CENPP: variants seen among roughly 807,000 people sequenced by gnomAD.
The protein encoded by CENPP is centromere protein P.
Under a neutral mutation model 35.6 loss-of-function variants are expected in CENPP, and 24 were observed. The observed-to-expected ratio is 0.67, with a 90% confidence interval of 0.49 to 0.95. The LOEUF is 0.95. Among genes scored for constraint, CENPP ranks in the 40% least tolerant of loss-of-function variants. The pLI is 0.00. For missense variants in CENPP, 332 were observed against 345.3 expected (o/e 0.96, Z 0.31); for synonymous variants, 120 against 125.5 (o/e 0.96, Z 0.29).
chr9:92,543,286 A>G (rs951457832), intron 5 of CENPP, among the ~76,000 whole-genome samples: 6 of 152,106 alleles, frequency 3.9e-5, no homozygotes, highest in African/African-American at 1.4e-4. Context: ...AGCCTGGCCA[A>G]CATGGTGAAA....
At chr9:92,499,544 A>C (rs1846549087) in intron 5 of CENPP, among the ~76,000 whole-genome samples, 1 of 152,220 alleles carries the variant, frequency 6.6e-6, no homozygotes, top group African/African-American at 2.4e-5. Context: ...TGACCACTTC[A>C]ATCCAGTGAT....
At chr9:92,502,622 C>T in intron 5 of CENPP, 1 of 1,598,852 alleles carries the variant, frequency 6.3e-7, no homozygotes, top group Non-Finnish European at 8.6e-7. Flanking sequence ...TCAGTTATTT[C>T]TTCAATTTGG....
Position 92,416,072 on chromosome 9 carries a change from T to TATA in CENPP, c.564+36213_564+36214insATA, listed in dbSNP as rs368634649. On this transcript the variant is annotated intron_variant, in intron 5 of 7. Coordinates refer to ENST00000375587, the MANE Select transcript of CENPP (RefSeq NM_001012267.3). Reference sequence around the variant, plus strand: ...TATATATGTGTGTATATATATATATTTATTTATTTATTTATTTATTTATTT... The same window carrying TATA: ...TATATATGTGTGTATATATATATATTATATATTTATTTATTTATTTATTTATTT... Among the ~76,000 whole-genome samples, 698 of 125,374 alleles carry TATA rather than the reference T, an allele frequency of 5.6e-3. 8 individuals carry two copies. The highest frequency in any genetic ancestry group is 0.018 in the African/African-American group (620 of 33,726). The allele number at this position is 125,374 out of a possible 152,430, so 82.3% of individuals were successfully genotyped here.
intron 5 of CENPP, among the ~76,000 whole-genome samples, chr9:92,475,724 T>A (rs1845691196): frequency 6.6e-6 from 1 of 152,224 alleles, no homozygotes; most frequent in African/African-American, 2.4e-5. Context: ...TTGGTCACTT[T>A]TTCCACAATT....
At chr9:92,457,085 C>A in intron 5 of CENPP, 2 of 1,351,648 alleles carry the variant, frequency 1.5e-6, no homozygotes, top group East Asian at 2.9e-5. Flanking sequence ...GCAATAGATG[C>A]TTGTTTCTCT....
chr9:92,399,935 G>C (rs73520515), intron 5 of CENPP, among the ~76,000 whole-genome samples: 1 of 152,012 alleles, frequency 6.6e-6, no homozygotes, highest in Non-Finnish European at 1.5e-5. Context: ...TAGTACATCT[G>C]ATTCCTACAT....
chr9:92,514,673 G>A, intron 5 of CENPP: 1 of 1,606,112 alleles, frequency 6.2e-7, no homozygotes, highest in Non-Finnish European at 8.5e-7. Context: ...GTCAGCGGTG[G>A]TATCTGGGTA....
chr9:92,416,122 CAG>C (rs2130957952), intron 5 of CENPP, among the ~76,000 whole-genome samples: 1 of 137,718 alleles, frequency 7.3e-6, no homozygotes, highest in East Asian at 2.1e-4. Flanking sequence ...TTTTTTAAGA[CAG>C]AGTTTTGCTC....
chr9:92,420,366 C>A (rs1285781549), intron 5 of CENPP, among the ~76,000 whole-genome samples: 7 of 152,178 alleles, frequency 4.6e-5, no homozygotes, highest in Non-Finnish European at 1.0e-4. Flanking sequence ...ATGCCCTAAA[C>A]TTTCTGGCTC....
At chr9:92,379,071 G>A (rs887688142) in intron 4 of CENPP, among the ~76,000 whole-genome samples, 4 of 152,178 alleles carry the variant, frequency 2.6e-5, no homozygotes, top group Admixed American at 6.5e-5. Flanking sequence ...TGCTAGAACC[G>A]CTCACAGAAC....
chr9:92,517,303 A>T (rs1406094241), intron 5 of CENPP: 2 of 276,496 alleles, frequency 7.2e-6, no homozygotes, highest in African/African-American at 4.5e-5. Context: ...CCCTGGCTTC[A>T]AGATGATAAA....
At chr9:92,417,283 G>A in intron 5 of CENPP, 1 of 1,614,082 alleles carries the variant, frequency 6.2e-7, no homozygotes, top group Non-Finnish European at 8.5e-7. Flanking sequence ...GTTGCTGAAT[G>A]TGCATCGGAA....
chr9:92,406,094 C>T (rs1267736692), intron 5 of CENPP, among the ~76,000 whole-genome samples: 1 of 152,164 alleles, frequency 6.6e-6, no homozygotes, highest in Non-Finnish European at 1.5e-5. Context: ...CCCAAACTGA[C>T]TTCTATAGAG....
intron 5 of CENPP, among the ~76,000 whole-genome samples, chr9:92,405,895 C>T (rs1203943180): frequency 6.6e-6 from 1 of 152,234 alleles, no homozygotes; most frequent in Admixed American, 6.5e-5. Context: ...GCCAGGACTT[C>T]AGACACGTAA....
chr9:92,345,918 T>C, intron 4 of CENPP, 131 bp downstream of exon 4: 1 of 582,484 alleles, frequency 1.7e-6, no homozygotes, highest in Non-Finnish European at 3.0e-6. Context: ...ACTGTTGTGC[T>C]TATATTTGAG....
chr9:92,533,608 GA>G (rs1475238279), intron 5 of CENPP, among the ~76,000 whole-genome samples: 1 of 151,670 alleles, frequency 6.6e-6, no homozygotes, highest in African/African-American at 2.4e-5. Context: ...CAGGTCTAAT[GA>G]TCTGACTTGC....
At chr9:92,325,583 G>A (rs1205755590), upstream of CENPP, 1 of 176,980 alleles carries the variant, frequency 5.7e-6, no homozygotes, top group African/African-American at 2.4e-5. Flanking sequence ...TCCTGGACTA[G>A]GTCGGCGTAA....
At chr9:92,459,424 A>G (rs181197547) in intron 5 of CENPP, among the ~76,000 whole-genome samples, 21 of 152,384 alleles carry the variant, frequency 1.4e-4, no homozygotes, top group Admixed American at 1.3e-3. Context: ...AAAGATGGAA[A>G]TGGATCCTGA....
At chr9:92,332,922 G>A (rs1840801737) in intron 2 of CENPP, among the ~76,000 whole-genome samples, 1 of 150,882 alleles carries the variant, frequency 6.6e-6, no homozygotes, top group Non-Finnish European at 1.5e-5. Context: ...AACAGACACA[G>A]TTTTTATCAT....
Sources: allele counts gnomAD v4.1 joint callset (sites outside exome capture counted in the v4.1 genomes callset), GRCh38; gene constraint gnomAD v4.1.1; transcripts MANE v1.5; gene names NCBI Gene and HGNC (gene_info 2026-07-23, HGNC 2026-07-21).